The following SRGAP1 variants were observed in gnomAD, a reference collection of about 807,000 sequenced individuals.
SRGAP1 encodes SLIT-ROBO Rho GTPase-activating protein 1.
A neutral mutation model predicts 121.9 loss-of-function variants in SRGAP1; 43 were observed. The observed-to-expected ratio is 0.35, with a 90% CI of 0.28 to 0.46. The LOEUF (loss-of-function observed/expected upper bound fraction) is 0.46. SRGAP1 is among the 20% of genes least tolerant of loss of function. The pLI is 1.00. For synonymous variants in SRGAP1, 447 were observed against 485.4 expected, an observed-to-expected ratio of 0.92 and a Z score of 1.04; for missense variants, 1,102 against 1,350.9, an observed-to-expected ratio of 0.82 and a Z score of 2.89.
chr12:64,083,120 C>T (rs2035876887), intron 10 of SRGAP1, among the ~76,000 whole-genome samples: 1 of 152,118 alleles, frequency 6.6e-6, no homozygotes, highest in African/African-American at 2.4e-5. Context: ...CAAAGGAGAC[C>T]AGGAGAGTTA....
chr12:63,929,309 T>C (rs758906827), intron 1 of SRGAP1, among the ~76,000 whole-genome samples: 2 of 152,250 alleles, frequency 1.3e-5, no homozygotes, highest in Admixed American at 1.3e-4. Flanking sequence ...CTGTCAAATA[T>C]AAATGAAGTT....
intron 1 of SRGAP1, among the ~76,000 whole-genome samples, chr12:63,870,125 A>G (rs1248936814): frequency 1.3e-5 from 2 of 152,242 alleles, no homozygotes; most frequent in Non-Finnish European, 1.5e-5. Context: ...AATGATTGCC[A>G]TCTTTGACCT....
Position 63,919,499 on chromosome 12 carries a change from C to CATATATATATATATATATATAT in SRGAP1, c.68-64446_68-64425dup, listed in dbSNP as rs10570691. Among the ~76,000 whole-genome samples, 89 of 134,064 alleles carry CATATATATATATATATATATAT rather than the reference C, an allele frequency of 6.6e-4. 1 individual carries two copies. The highest frequency in any genetic ancestry group is 2.4e-3 in the African/African-American group (79 of 32,500). The allele number at this position is 134,064 out of a possible 152,430, so 88.0% of individuals were successfully genotyped here. A position where few individuals can be genotyped will look rare whatever the true frequency, so the allele number is the denominator to read the frequency against. ...TTTTAATTGTTTTAACTTAACATTA[C>CATATATATATATATATATATAT]ATATATATATATATATATATATACA... On this transcript the variant is annotated intron_variant, in intron 1 of 21. Coordinates refer to ENST00000355086, the MANE Select transcript of SRGAP1 (RefSeq NM_020762.4).
chr12:64,087,171 T>C lies in SRGAP1; in HGVS notation c.1436+145T>C, dbSNP rs2035962058. 7 of 586,274 alleles carry C rather than the reference T, an allele frequency of 1.2e-5. No homozygotes were observed. In the South Asian group the frequency reaches 1.5e-4, roughly 12 times the overall value. The allele number at this position is 586,274 out of a possible 1,614,324, so 36.3% of individuals were successfully genotyped here. On this transcript the variant is annotated intron_variant, in intron 11 of 21. Coordinates refer to ENST00000355086, the MANE Select transcript of SRGAP1 (RefSeq NM_020762.4). Reference sequence around the variant, plus strand: ...TGACAAAGCATAGCAACATGAAATGTTTGGGCTTCTTACAAGACTAGGTAT... The same window carrying C: ...TGACAAAGCATAGCAACATGAAATGCTTGGGCTTCTTACAAGACTAGGTAT...
rs1418231898 is a variant in SRGAP1, at chr12:64,115,861, A to G, written c.2192A>G (p.Asp731Gly). ...GGTACATTGGAGGAAGTGGACCAAGATGCTGGTACAGAGCCCCACACAAGT... is the reference window on the plus strand; with the variant it reads ...GGTACATTGGAGGAAGTGGACCAAGGTGCTGGTACAGAGCCCCACACAAGT... Reference protein sequence around the residue: ...EHGTLEEVDQDAGTEPHTSED... With the variant: ...EHGTLEEVDQGAGTEPHTSED... Residue 731 changes from aspartate (D) to glycine (G), a missense_variant, in exon 18 of 22, where the codon GAT (aspartate) becomes GGT (glycine). By Grantham distance (94) the Asp-to-Gly change is moderately conservative. Coordinates refer to ENST00000355086, the MANE Select transcript of SRGAP1 (RefSeq NM_020762.4). 6.2e-7 allele frequency: 1 copy of G among 1,613,550 alleles called. No individual in the cohort carries two copies. Among genetic ancestry groups the G allele is most frequent in the Non-Finnish European group, 8.5e-7 (1 of 1,179,778 alleles).
chr12:64,043,150 A>T (rs1289830328), intron 5 of SRGAP1, among the ~76,000 whole-genome samples, 178 bp downstream of exon 5: 2 of 152,228 alleles, frequency 1.3e-5, no homozygotes, highest in Non-Finnish European at 2.9e-5. Flanking sequence ...GCTGGACATC[A>T]TTTAGTGGTG....
At chr12:63,931,117 A>G (rs1414665587) in intron 1 of SRGAP1, among the ~76,000 whole-genome samples, 1 of 152,214 alleles carries the variant, frequency 6.6e-6, no homozygotes, top group Non-Finnish European at 1.5e-5. Context: ...ATCAATAATG[A>G]AGTAATGTTG....
chr12:64,052,729 T>C (rs996252800), intron 6 of SRGAP1, among the ~76,000 whole-genome samples: 2 of 152,014 alleles, frequency 1.3e-5, no homozygotes, highest in Non-Finnish European at 2.9e-5. Context: ...AATATTATGA[T>C]TTATCTTTTT....
intron 1 of SRGAP1, among the ~76,000 whole-genome samples, chr12:63,910,050 C>G (rs773692970): frequency 2.6e-5 from 4 of 152,198 alleles, no homozygotes; most frequent in Non-Finnish European, 4.4e-5. Flanking sequence ...ATACAGTAGA[C>G]TAGCTGAATT....
rs572020010 is a variant in SRGAP1 at position 64,087,660 on chromosome 12, C to G, written c.1436+634C>G. Among the ~76,000 whole-genome samples, 10 of 152,150 alleles carry G rather than the reference C, an allele frequency of 6.6e-5. No individual in the cohort carries two copies. The South Asian group carries it at 2.1e-3, about 32-fold the overall frequency. ...CTGGGGCAGGAAAATCACTTGAACC[C>G]GGCAGGCGGAGGTTGCAGTGAGCCA... is the stretch of plus-strand genomic sequence containing the variant. On this transcript the variant is annotated intron_variant, in intron 11 of 21. Transcript: ENST00000355086.
At chr12:63,889,514 T>A (rs79226286) in intron 1 of SRGAP1, among the ~76,000 whole-genome samples, 25 of 152,142 alleles carry the variant, frequency 1.6e-4, no homozygotes, top group Non-Finnish European at 2.8e-4. Context: ...TGTTAGAAAA[T>A]GGGAGTCCAT....
At chr12:63,976,332 CCTT>C (rs1438482315) in intron 1 of SRGAP1, among the ~76,000 whole-genome samples, 1 of 152,126 alleles carries the variant, frequency 6.6e-6, no homozygotes, top group African/African-American at 2.4e-5. Flanking sequence ...TTATAACTCT[CCTT>C]CTCTCCTACT....
chr12:63,977,508 G>A (rs561698259), intron 1 of SRGAP1, among the ~76,000 whole-genome samples: 10 of 152,262 alleles, frequency 6.6e-5, no homozygotes, highest in East Asian at 3.9e-4. Flanking sequence ...CAATCTTTCC[G>A]TGAAATATGT....
At chr12:64,044,513 A>G (rs1490864259) in intron 6 of SRGAP1, among the ~76,000 whole-genome samples, 1 of 151,980 alleles carries the variant, frequency 6.6e-6, no homozygotes, top group East Asian at 1.9e-4. Flanking sequence ...TAGCCGTCAT[A>G]ATTTAAACAT....
chr12:64,097,548 T>G, intron 15 of SRGAP1, 173 bp downstream of exon 15: 22 of 627,364 alleles, frequency 3.5e-5, no homozygotes, highest in East Asian at 6.6e-5. Context: ...CTCCCAGCTG[T>G]GGCCTCACCC....
In SRGAP1 at chr12:64,160,839, A is replaced by G. The variant is rs1283288256; in HGVS notation, c.*18167A>G. ...TCGACAAACAAGAAGGATTGTGCCC[A>G]TATTTCTCTATTCTCTCTAGCATTA... On this transcript the variant is annotated 3_prime_UTR_variant, in exon 22 of 22. Transcript: ENST00000355086. 6.6e-6 allele frequency: 1 copy of G among 152,230 alleles called. No homozygotes were observed. The highest frequency in any genetic ancestry group is 1.5e-5 in the Non-Finnish European group (1 of 68,028). 9.4% of individuals were successfully genotyped at this position (152,230 alleles called of 1,614,324 possible). A position where few individuals can be genotyped will look rare whatever the true frequency, so the allele number is the denominator to read the frequency against.
rs1438462786 is a variant in SRGAP1 at position 64,111,830 on chromosome 12, T to C, written c.1988T>C (p.Leu663Ser). Residue 663 changes from leucine to serine, a missense_variant, in exon 17 of 22, where the codon TTG becomes TCG. Leu to Ser is a moderately radical substitution (Grantham distance 145). Around this residue, in one of 3 missense-constraint regions of SRGAP1, gnomAD observed 747 missense variants for 929.4 expected, o/e 0.80. Transcript: ENST00000355086. ...YNLAICFGPT[L>S]MPVPEIQDQV... ...CTGGCCATTTGCTTTGGCCCAACATTGATGCCTGTCCCAGAAATACAGGAT... is the reference window on the plus strand; with the variant it reads ...CTGGCCATTTGCTTTGGCCCAACATCGATGCCTGTCCCAGAAATACAGGAT... 1.9e-6 allele frequency: 3 copies of C among 1,613,986 alleles called. No individual in the cohort carries two copies. The highest frequency in any genetic ancestry group is 2.5e-6 in the Non-Finnish European group (3 of 1,180,002).
intron 1 of SRGAP1, among the ~76,000 whole-genome samples, chr12:63,894,646 G>A (rs374328869): frequency 2.6e-4 from 39 of 151,946 alleles, no homozygotes; most frequent in African/African-American, 8.2e-4. Flanking sequence ...GACAGGCCCC[G>A]GTGTGTGATG....
At chr12:63,867,710 A>G (rs1409412705) in intron 1 of SRGAP1, among the ~76,000 whole-genome samples, 3 of 152,150 alleles carry the variant, frequency 2.0e-5, no homozygotes, top group African/African-American at 4.8e-5. Context: ...ATGAGTTGCT[A>G]TCATAATATT....
Sources: gnomAD v4.1 joint callset for allele counts (sites outside exome capture counted in the v4.1 genomes callset) on GRCh38, gnomAD v4.1.1 for gene constraint, gnomAD v4.1.1 regional missense constraint, MANE v1.5 for transcripts, NCBI Gene and HGNC (gene_info 2026-07-23, HGNC 2026-07-21) for gene names.